The following UST variants were observed in gnomAD, a reference collection of about 807,000 sequenced individuals.
UST encodes uronyl 2-sulfotransferase, also known as chondroitin sulfate 2-O-sulfotransferase.
Under a neutral mutation model 45.6 loss-of-function variants are expected in UST, and 21 were observed. The ratio of observed to expected loss-of-function variants is 0.46; its 90% CI spans 0.33 to 0.66. The LOEUF (loss-of-function observed/expected upper bound fraction) is 0.66, where lower values mean the gene tolerates loss of function less well. Among genes scored for constraint, UST ranks in the 30% least tolerant of loss-of-function variants. UST has a pLI of 0.02. For missense variants in UST, 463 were observed against 512.4 expected, an observed-to-expected ratio of 0.90 and a Z score of 0.93; for synonymous variants, 215 against 200.6, an observed-to-expected ratio of 1.07 and a Z score of -0.61.
In UST at chr6:148,841,058, C is replaced by G. The variant is rs865968210; in HGVS notation, c.248-45928C>G. On this transcript the variant is annotated intron_variant, in intron 1 of 7. Transcript: ENST00000367463. ...CATTTTGAAATGAAAAAAAAAAAAA[C>G]CCAACAAAAACAAAATTGTAAAATT... Among the ~76,000 whole-genome samples the G allele has an allele frequency of 6.5e-5, 7 of 107,018 alleles. No homozygotes were observed. In the East Asian group the frequency reaches 2.2e-3, roughly 34 times the overall value. 70.2% of individuals were successfully genotyped at this position (107,018 alleles called of 152,430 possible).
Position 148,982,256 on chromosome 6 carries a change from A to G in UST, c.681+17693A>G, listed in dbSNP as rs145222053. 8.0e-3 allele frequency among the ~76,000 whole-genome samples: 1,220 copies of G among 152,056 alleles called. 9 individuals carry two copies. The highest frequency in any genetic ancestry group is 0.024 in the Middle Eastern group (7 of 294). ...TGGGGCTACAGGCGTGCACCACCAC[A>G]CCTGGCTAATTTTTTTATTTTTAGT... On this transcript the variant is annotated intron_variant, in intron 5 of 7. Coordinates refer to ENST00000367463, the MANE Select transcript of UST (RefSeq NM_005715.3).
At chr6:148,884,132 C>CA (rs35086035) in intron 1 of UST, among the ~76,000 whole-genome samples, 25,355 of 94,544 alleles carry the variant, frequency 0.27, 2,639 homozygotes, top group Middle Eastern at 0.47. Flanking sequence ...GACACCGTCT[C>CA]AAAAAAAAAA....
At chr6:148,866,343 G>A (rs76725061) in intron 1 of UST, among the ~76,000 whole-genome samples, 19 of 152,180 alleles carry the variant, frequency 1.2e-4, no homozygotes, top group Non-Finnish European at 2.6e-4. Flanking sequence ...GTAGTCGGGG[G>A]TAGATCTGCA....
chr6:148,944,893 AT>A (rs34962047), intron 3 of UST, among the ~76,000 whole-genome samples: 2 of 151,986 alleles, frequency 1.3e-5, no homozygotes, highest in African/African-American at 4.8e-5. Flanking sequence ...AAAATAGGGA[AT>A]TTTTTTCCCC....
rs564119548 is a variant in UST, at chr6:148,757,345, T to C, written c.247+9668T>C. On this transcript the variant is annotated intron_variant, in intron 1 of 7. Transcript: ENST00000367463. ...GTCATTTTCTGAAATCCTAGACCAG[T>C]TGTTTTGGAAGTTTGCAGAATAGCT... 1.5e-4 allele frequency among the ~76,000 whole-genome samples: 23 copies of C among 152,338 alleles called. No homozygotes were observed. The East Asian group carries it at 4.0e-3, about 27-fold the overall frequency.
In UST at chr6:148,989,506, G is replaced by A. The variant is rs950019500; in HGVS notation, c.681+24943G>A. Among the ~76,000 whole-genome samples, 3 of 152,266 alleles carry A rather than the reference G, an allele frequency of 2.0e-5. No homozygotes were observed. In the South Asian group the frequency reaches 6.2e-4, roughly 32 times the overall value. The stretch of plus-strand genomic sequence containing the variant: ...TACCAAAATAAAAGGAAAGCAAGAG[G>A]GATTTGCCTTTGTCCTTGTTCAGAG... On this transcript the variant is annotated intron_variant, in intron 5 of 7. Coordinates refer to ENST00000367463, the MANE Select transcript of UST (RefSeq NM_005715.3).
At chr6:148,936,905 G>T (rs940338813) in intron 2 of UST, among the ~76,000 whole-genome samples, 5 of 152,014 alleles carry the variant, frequency 3.3e-5, no homozygotes, top group African/African-American at 1.2e-4. Flanking sequence ...GTGTTGGCCA[G>T]GCTGGTCTCG....
At chr6:148,890,637 T>A (rs1212198488) in intron 2 of UST, among the ~76,000 whole-genome samples, 1 of 152,148 alleles carries the variant, frequency 6.6e-6, no homozygotes, top group Non-Finnish European at 1.5e-5. Flanking sequence ...GAATGGGGTG[T>A]GCCACACAAC....
chr6:148,897,219 G>A (rs1779150108), intron 2 of UST, among the ~76,000 whole-genome samples: 1 of 152,128 alleles, frequency 6.6e-6, no homozygotes, highest in African/African-American at 2.4e-5. Flanking sequence ...CCAGGCTGGA[G>A]TATAGTGGTA....
intron 5 of UST, chr6:148,992,840 T>C (rs375185748): frequency 8.6e-6 from 2 of 232,386 alleles, no homozygotes; most frequent in African/African-American, 4.7e-5. Context: ...CTTGAGGGAA[T>C]CTTAACCTCT....
chr6:149,061,459 T>C, intron 7 of UST, among the ~76,000 whole-genome samples: 1 of 152,244 alleles, frequency 6.6e-6, no homozygotes, highest in Non-Finnish European at 1.5e-5. Flanking sequence ...TCTTGGGCAG[T>C]GAGCACATCG....
intron 4 of UST, among the ~76,000 whole-genome samples, chr6:148,960,110 G>A (rs1365699460): frequency 3.3e-5 from 5 of 152,106 alleles, no homozygotes; most frequent in African/African-American, 2.4e-5. Context: ...CCAACACGGC[G>A]AAACCCCATC....
Position 149,006,477 on chromosome 6 carries a change from T to C in UST, c.682-12662T>C, listed in dbSNP as rs566102562. Among the ~76,000 whole-genome samples, 7 of 152,354 alleles carry C rather than the reference T, an allele frequency of 4.6e-5. No homozygotes were observed. In the South Asian group the frequency reaches 1.4e-3, roughly 32 times the overall value. On this transcript the variant is annotated intron_variant, in intron 5 of 7. Coordinates refer to ENST00000367463, the MANE Select transcript of UST (RefSeq NM_005715.3). ...TTCCATGGTATATATGTACCATATTTTCTTTATCCAGTCTATCACCAATGG... is the reference window on the plus strand; with the variant it reads ...TTCCATGGTATATATGTACCATATTCTCTTTATCCAGTCTATCACCAATGG...
At position 149,025,051 on chromosome 6, in the gene UST, G is replaced by A. The variant is rs139577006; in HGVS notation, c.937+3570G>A. Among the ~76,000 whole-genome samples the A allele has an allele frequency of 2.6e-5, 4 of 152,238 alleles. No individual in the cohort carries two copies. The East Asian group carries it at 5.8e-4, about 22-fold the overall frequency. ...CATTACAGAAGAAAAAACACTAATA[G>A]CAATGACTCTTTGGAGAGCTAGTAA... is the stretch of plus-strand genomic sequence containing the variant. On this transcript the variant is annotated intron_variant, in intron 7 of 7. Transcript: ENST00000367463.
At chr6:148,981,042 CT>C (rs1233698270) in intron 5 of UST, among the ~76,000 whole-genome samples, 1 of 152,090 alleles carries the variant, frequency 6.6e-6, no homozygotes, top group Non-Finnish European at 1.5e-5. Flanking sequence ...CCACCTTTGT[CT>C]TTTTTCTCTC....
chr6:148,959,070 A>G (rs9377181), intron 4 of UST: 56,603 of 152,060 alleles, frequency 0.37, 10,618 homozygotes, highest in Middle Eastern at 0.44. Flanking sequence ...CAGTGTGAAA[A>G]TTAGTCAATC....
chr6:148,780,756 A>G (rs147550279), intron 1 of UST, among the ~76,000 whole-genome samples: 1 of 152,148 alleles, frequency 6.6e-6, no homozygotes, highest in Non-Finnish European at 1.5e-5. Flanking sequence ...TTCTGATAAC[A>G]TATGCTTACT....
chr6:148,934,590 C>T lies in UST; in HGVS notation c.292-6689C>T, dbSNP rs1779983373. Among the ~76,000 whole-genome samples, 1 of 152,126 alleles carries T rather than the reference C, an allele frequency of 6.6e-6. No homozygotes were observed. Among genetic ancestry groups the T allele is most frequent in the African/African-American group, 2.4e-5 (1 of 41,444 alleles). On this transcript the variant is annotated intron_variant, in intron 2 of 7. Coordinates refer to ENST00000367463, the MANE Select transcript of UST (RefSeq NM_005715.3). The surrounding 1 kb of genome is among the most constrained non-coding windows in gnomAD (Gnocchi z 4.1). ...AACACACAATGAGACCCCAGGAAGA[C>T]ACAACAGTGCCCTTCGCCCCAACTC...
intron 1 of UST, among the ~76,000 whole-genome samples, chr6:148,824,429 G>C (rs1236565652): frequency 6.6e-6 from 1 of 152,186 alleles, no homozygotes; most frequent in Non-Finnish European, 1.5e-5. Flanking sequence ...AGCAAAACAA[G>C]AGTCTTCTTT....
Sources: allele counts gnomAD v4.1 joint callset (sites outside exome capture counted in the v4.1 genomes callset), GRCh38; gene constraint gnomAD v4.1.1; non-coding constraint Gnocchi (gnomAD v3.1); transcripts MANE v1.5; gene names NCBI Gene and HGNC (gene_info 2026-07-23, HGNC 2026-07-21).